FANCI: variants seen among roughly 807,000 people sequenced by gnomAD.
FANCI encodes Fanconi anemia group I protein.
FANCI carries 156 observed loss-of-function variants against 176.1 expected under a neutral mutation model. The observed-to-expected ratio is 0.89, with a 90% CI of 0.78 to 1.01. The LOEUF is 1.01. FANCI is among the 50% of genes least tolerant of loss of function. The pLI, the probability that FANCI is intolerant of heterozygous loss-of-function variation, is 0.00. For missense variants in FANCI, 1,678 were observed against 1,534.1 expected (o/e 1.09, Z -1.57); for synonymous variants, 613 against 541.7 (o/e 1.13, Z -1.83).
intron 24 of FANCI, among the ~76,000 whole-genome samples, chr15:89,297,093 G>A (rs1381151541): frequency 7.9e-5 from 12 of 151,216 alleles, no homozygotes; most frequent in Admixed American, 3.3e-4. Flanking sequence ...GGTGGCTGCC[G>A]GGCGGAGGGG....
chr15:89,304,794 G>A (rs1169705557), intron 28 of FANCI, among the ~76,000 whole-genome samples: 2 of 133,964 alleles, frequency 1.5e-5, no homozygotes, highest in Admixed American at 7.5e-5. Flanking sequence ...TTTTTTTTTT[G>A]AGACAGAGTT....
Position 89,292,792 on chromosome 15 carries a change from C to A in FANCI, c.2097C>A (p.Tyr699Ter). 1 of 1,613,972 alleles carries A rather than the reference C, an allele frequency of 6.2e-7. No individual in the cohort carries two copies. The highest frequency in any genetic ancestry group is 8.5e-7 in the Non-Finnish European group (1 of 1,179,960). The change falls in exon 21 of 38, where the codon TAC becomes TAA. Residue 699 changes from tyrosine (Y) to a stop codon, truncating the protein, a stop_gained. Transcript: ENST00000310775. LOFTEE classifies it high-confidence loss of function. The part of the protein sequence containing the change: ...EEEEEEEEAF[Y>*]EDLDDILESI... The stretch of plus-strand genomic sequence containing the variant: ...AAGAGGAGGAGGAAGAGGCATTCTA[C>A]GAAGACCTAGATGATATATTGGAGT...
At chr15:89,310,503 C>T (rs761123514) in intron 34 of FANCI, among the ~76,000 whole-genome samples, 1 of 152,240 alleles carries the variant, frequency 6.6e-6, no homozygotes, top group African/African-American at 2.4e-5. Flanking sequence ...TCATTTCCTC[C>T]CTAGGCATTT....
At chr15:89,281,101 C>T in intron 14 of FANCI, 69 bp from the exon 15 acceptor site, 3 of 1,515,280 alleles carry the variant, frequency 2.0e-6, no homozygotes, top group African/African-American at 1.4e-5. Flanking sequence ...ATTTCTTTCT[C>T]CGTATTTTTC....
chr15:89,258,205 G>A (rs143795050), intron 2 of FANCI, among the ~76,000 whole-genome samples: 33 of 152,032 alleles, frequency 2.2e-4, no homozygotes, highest in African/African-American at 6.8e-4. Flanking sequence ...CTTCTTGTCC[G>A]CCAGGTCTCT....
chr15:89,251,817 G>A (rs1259350837), intron 2 of FANCI, among the ~76,000 whole-genome samples: 1 of 152,144 alleles, frequency 6.6e-6, no homozygotes, highest in Non-Finnish European at 1.5e-5. Context: ...AGAATGGGTG[G>A]CTGTTTCCTT....
chr15:89,274,811 C>G (rs2053345870), intron 12 of FANCI, among the ~76,000 whole-genome samples: 1 of 151,816 alleles, frequency 6.6e-6, no homozygotes, highest in African/African-American at 2.4e-5. Context: ...CGCCATATTG[C>G]CCAGGCTGGT....
intron 37 of FANCI, 164 bp from the exon 38 acceptor site, chr15:89,316,233 C>G: frequency 1.4e-6 from 1 of 725,634 alleles, no homozygotes; most frequent in South Asian, 1.7e-5. Context: ...AGGACTCCTT[C>G]CTCTTCTTCA....
In FANCI at chr15:89,301,386, C is replaced by T; in HGVS notation, c.2950C>T (p.Leu984=). The T allele has an allele frequency of 6.2e-7, 1 of 1,614,176 alleles. No individual in the cohort carries two copies. The highest frequency in any genetic ancestry group is 8.5e-7 in the Non-Finnish European group (1 of 1,180,014). ...EEDFNSKEAL[L]LVTVLTSLSK... is the part of the protein sequence containing the mutation. ...AGATTTTAATAGCAAAGAAGCCCTC[C>T]TGCTAGTCACGGTTCTTACCAGTTT... is the stretch of plus-strand genomic sequence containing the variant. The change falls in exon 27 of 38, where the codon CTG becomes TTG. Residue 984 remains leucine, a synonymous_variant. Transcript: ENST00000310775.
At chr15:89,317,179 C>T (rs1345837573), downstream of FANCI, 2 of 623,890 alleles carry the variant, frequency 3.2e-6, no homozygotes, top group African/African-American at 3.7e-5. Flanking sequence ...ATATTTGAAG[C>T]TCTGCTGCCT....
At position 89,251,632 on chromosome 15, in the gene FANCI, AC is replaced by A. The variant is rs2052254904; in HGVS notation, c.84+3902del. On this transcript the variant is annotated intron_variant, in intron 2 of 37. Transcript: ENST00000310775. The stretch of plus-strand genomic sequence containing the variant: ...CTTAAATATTAGGGGACAGATTGCA[AC>A]ACCACATTTAAAAAAAGTACACCAT... Among the ~76,000 whole-genome samples, 4 of 152,202 alleles carry A rather than the reference AC, an allele frequency of 2.6e-5. No individual in the cohort carries two copies. In the South Asian group the frequency reaches 8.3e-4, roughly 32 times the overall value.
In FANCI at chr15:89,294,985, G is replaced by A. The variant is rs2054198254; in HGVS notation, c.2527G>A (p.Val843Met). ...RSSNEFMRYAVNVALQKVQQL... is the reference protein window; with the variant it reads ...RSSNEFMRYAMNVALQKVQQL... ...CAGCAATGAGTTTATGCGCTATGCA[G>A]TGAATGTAGCTCTGCAGAAAGTACA... The change falls in exon 24 of 38, where the codon GTG (valine) becomes ATG (methionine). Residue 843 changes from valine to methionine, a missense_variant. Transcript: ENST00000310775. 7 of 1,552,372 alleles carry A rather than the reference G, an allele frequency of 4.5e-6. No individual in the cohort carries two copies. Among genetic ancestry groups the A allele is most frequent in the Non-Finnish European group, 6.1e-6 (7 of 1,147,146 alleles).
At chr15:89,294,772 C>T in intron 23 of FANCI, 143 bp from the exon 24 acceptor site, 1 of 747,056 alleles carries the variant, frequency 1.3e-6, no homozygotes, top group South Asian at 2.0e-5. Flanking sequence ...GCTTGGGCTG[C>T]CTAGAGAGTC....
At position 89,268,518 on chromosome 15, in the gene FANCI, A is replaced by G. The variant is rs764641724; in HGVS notation, c.875A>G (p.His292Arg). ...GAACTAGGCAGAGAACTCGTGAAAC[A>G]CTTAAAGGTAGCATCAAACTTGTAA... ...DYELGRELVK[H>R]LKVGQQGDSN... Residue 292 changes from histidine (H) to arginine (R), a missense_variant, in exon 10 of 38, where the codon CAC becomes CGC. His to Arg is a conservative substitution (Grantham distance 29). Coordinates refer to ENST00000310775, the MANE Select transcript of FANCI (RefSeq NM_001113378.2). 29 of 1,614,072 alleles carry G rather than the reference A, an allele frequency of 1.8e-5. No individual in the cohort carries two copies. Among genetic ancestry groups the G allele is most frequent in the Non-Finnish European group, 2.4e-5 (28 of 1,180,032 alleles).
At chr15:89,307,356 CTG>C in intron 32 of FANCI, 118 bp from the exon 33 acceptor site, 1 of 938,560 alleles carries the variant, frequency 1.1e-6, no homozygotes, top group Non-Finnish European at 1.7e-6. Flanking sequence ...CTTGGCTTCT[CTG>C]TGAATTTTGT....
intron 1 of FANCI, among the ~76,000 whole-genome samples, chr15:89,247,275 T>C (rs1313146074): frequency 1.3e-5 from 2 of 152,162 alleles, no homozygotes; most frequent in Admixed American, 6.6e-5. Flanking sequence ...TATGGTAATA[T>C]ATAATGTATT....
At chr15:89,270,411 TTTTCCC>T (rs2053156074) in intron 10 of FANCI, among the ~76,000 whole-genome samples, 1 of 152,196 alleles carries the variant, frequency 6.6e-6, no homozygotes, top group Non-Finnish European at 1.5e-5. Flanking sequence ...TTCAAAATCC[TTTTCCC>T]AACAACATTT....
At chr15:89,283,929 A>G (rs2053718937) in intron 17 of FANCI, among the ~76,000 whole-genome samples, 3 of 151,628 alleles carry the variant, frequency 2.0e-5, no homozygotes, top group Non-Finnish European at 2.9e-5. Flanking sequence ...TGCCTGGCTA[A>G]TTTTTTGTAT....
At chr15:89,275,083 C>CTTTTTTTT (rs530017776) in intron 12 of FANCI, among the ~76,000 whole-genome samples, 10 of 114,982 alleles carry the variant, frequency 8.7e-5, no homozygotes, top group Non-Finnish European at 1.0e-4. Context: ...GGCCTTTCTT[C>CTTTTTTTT]TTTTTTTTTT....
Sources: gnomAD v4.1 joint callset for allele counts (sites outside exome capture counted in the v4.1 genomes callset) on GRCh38, gnomAD v4.1.1 for gene constraint, MANE v1.5 for transcripts, NCBI Gene and HGNC (gene_info 2026-07-23, HGNC 2026-07-21) for gene names.